The following NIN variants were observed in gnomAD, a reference collection of about 807,000 sequenced individuals.
NIN encodes ninein, also known as glycogen synthase kinase 3 beta-interacting protein.
Under a neutral mutation model 257.6 loss-of-function variants are expected in NIN, and 137 were observed. The ratio of observed to expected loss-of-function variants is 0.53; its 90% CI spans 0.46 to 0.61. The LOEUF (loss-of-function observed/expected upper bound fraction) is 0.61, where lower values mean the gene tolerates loss of function less well. Among genes scored for constraint, NIN ranks in the 20% least tolerant of loss-of-function variants. NIN has a pLI of 0.00. For synonymous variants in NIN, 918 were observed against 919.8 expected (o/e 1.00, Z 0.04); for missense variants, 2,439 against 2,501.2 (o/e 0.98, Z 0.53).
intron 16 of NIN, among the ~76,000 whole-genome samples, chr14:50,761,088 G>A (rs2042257027): frequency 6.6e-6 from 1 of 152,088 alleles, no homozygotes; most frequent in African/African-American, 2.4e-5. Flanking sequence ...AACCAGTCTA[G>A]ACATGGATAT....
Position 50,728,054 on chromosome 14 carries a change from A to ATT in NIN, c.6078+1467_6078+1468dup, listed in dbSNP as rs146848108. On this transcript the variant is annotated intron_variant, in intron 29 of 30. Coordinates refer to ENST00000530997, the MANE Select transcript of NIN (RefSeq NM_020921.4). ...GTCCACTCTGTCATCTGGTTGGAGG[A>ATT]TTTTTTTTTTCTTTCAAAAATCTTA... Among the ~76,000 whole-genome samples the ATT allele has an allele frequency of 4.9e-3, 735 of 150,382 alleles. 4 individuals are homozygous for ATT. Among genetic ancestry groups the ATT allele is most frequent in the Non-Finnish European group, 8.1e-3 (547 of 67,512 alleles).
rs376666607 is a variant in NIN, at chr14:50,776,377, A to T, written c.666+572T>A. Among the ~76,000 whole-genome samples the T allele has an allele frequency of 6.6e-4, 101 of 152,264 alleles. No individual in the cohort carries two copies. In the South Asian group the frequency reaches 0.02, roughly 29 times the overall value. ...CCAAACTACCCTTTACCATTTTCTC[A>T]TGACCAGAATATTGTAATGGCTGCT... On this transcript the variant is annotated intron_variant, in intron 7 of 30. Coordinates refer to ENST00000530997, the MANE Select transcript of NIN (RefSeq NM_020921.4).
intron 28 of NIN, among the ~76,000 whole-genome samples, chr14:50,735,250 T>TG (rs2040918425): frequency 6.6e-6 from 1 of 152,216 alleles, no homozygotes; most frequent in African/African-American, 2.4e-5. Flanking sequence ...AGAGAGTCCC[T>TG]GCCCCCTGAA....
intron 30 of NIN, among the ~76,000 whole-genome samples, chr14:50,724,920 C>T (rs565331515): frequency 1.1e-4 from 16 of 152,266 alleles, no homozygotes; most frequent in Non-Finnish European, 1.5e-4. Context: ...GAAAACAGGA[C>T]GGATCCCACT....
chr14:50,730,831 A>AT (rs776677119), intron 28 of NIN: 9 of 1,016,166 alleles, frequency 8.9e-6, no homozygotes, highest in Non-Finnish European at 1.2e-5. Flanking sequence ...TTAAGTACTT[A>AT]TTAACTGTTA....
At chr14:50,728,932 C>G (rs1482592937) in intron 29 of NIN, among the ~76,000 whole-genome samples, 1 of 152,206 alleles carries the variant, frequency 6.6e-6, no homozygotes, top group Non-Finnish European at 1.5e-5. Flanking sequence ...TGTGAAAAGT[C>G]ATCACTTGTG....
At chr14:50,775,860 T>G (rs1349534229) in intron 7 of NIN, among the ~76,000 whole-genome samples, 1 of 151,886 alleles carries the variant, frequency 6.6e-6, no homozygotes, top group Non-Finnish European at 1.5e-5. Flanking sequence ...TAGTCACCAA[T>G]GAAAAATAAA....
chr14:50,774,708 C>T (rs1415087824), intron 7 of NIN, among the ~76,000 whole-genome samples: 1 of 152,228 alleles, frequency 6.6e-6, no homozygotes, highest in Non-Finnish European at 1.5e-5. Flanking sequence ...ATTAGATCCA[C>T]ACTGCTTGAC....
At chr14:50,800,886 G>A (rs1024107459) in intron 4 of NIN, among the ~76,000 whole-genome samples, 1 of 151,588 alleles carries the variant, frequency 6.6e-6, no homozygotes, top group African/African-American at 2.4e-5. Flanking sequence ...GGGTTCAACC[G>A]ATTCTTCTGC....
intron 3 of NIN, among the ~76,000 whole-genome samples, chr14:50,816,204 G>A (rs1332269032): frequency 1.3e-5 from 2 of 151,846 alleles, no homozygotes; most frequent in African/African-American, 4.8e-5. Flanking sequence ...AGCACACATT[G>A]GACCTGTGAG....
intron 28 of NIN, chr14:50,730,834 A>G (rs2140360952): frequency 1.9e-6 from 2 of 1,033,136 alleles, no homozygotes; most frequent in East Asian, 1.2e-4. Context: ...AGTACTTATT[A>G]ACTGTTACAA....
At chr14:50,726,238 GA>G in intron 29 of NIN, 172 bp from the exon 30 acceptor site, 1 of 561,656 alleles carries the variant, frequency 1.8e-6, no homozygotes, top group Non-Finnish European at 3.2e-6. Flanking sequence ...GCATATGTCA[GA>G]AAAGTAACCC....
chr14:50,756,878 T>TATG lies in NIN; in HGVS notation c.4149_4151dup (p.Ile1384dup), dbSNP rs1222657429. ...ACTGGTTTTCTTGCTTACATTCCTC[T>TATG]ATGACATGATGTACACTCCTAACCC... On this transcript the variant is annotated inframe_insertion, in exon 18 of 31. Transcript: ENST00000530997. The TATG allele has an allele frequency of 6.4e-7, 1 of 1,553,256 alleles. No individual in the cohort carries two copies. The highest frequency in any genetic ancestry group is 2.4e-5 in the East Asian group (1 of 40,980).
In NIN at chr14:50,770,038, G is replaced by A. The variant is rs145181290; in HGVS notation, c.1434+350C>T. Reference sequence around the variant, plus strand: ...ACCATCTGCTGAGAATGAGGGGGGCGGGCAGGCGAGAAGATGGGGATCTGA... The same window carrying A: ...ACCATCTGCTGAGAATGAGGGGGGCAGGCAGGCGAGAAGATGGGGATCTGA... On this transcript the variant is annotated intron_variant, in intron 12 of 30. Transcript: ENST00000530997. 8.3e-3 allele frequency among the ~76,000 whole-genome samples: 1,269 copies of A among 152,244 alleles called. 11 individuals carry two copies. The highest frequency in any genetic ancestry group is 0.013 in the Non-Finnish European group (857 of 68,008).
intron 18 of NIN, among the ~76,000 whole-genome samples, chr14:50,755,445 C>T (rs144010536): frequency 2.0e-5 from 3 of 150,656 alleles, no homozygotes; most frequent in Admixed American, 6.6e-5. Context: ...ACATTTCAGA[C>T]GTCCTGTAAT....
At chr14:50,744,935 C>CA (rs143259525) in intron 22 of NIN, among the ~76,000 whole-genome samples, 1 of 151,924 alleles carries the variant, frequency 6.6e-6, no homozygotes, top group Non-Finnish European at 1.5e-5. Flanking sequence ...CAAAACAAAA[C>CA]AAAAAAACCC....
intron 7 of NIN, among the ~76,000 whole-genome samples, chr14:50,776,706 A>G (rs2042937233): frequency 6.6e-6 from 1 of 152,226 alleles, no homozygotes; most frequent in Non-Finnish European, 1.5e-5. Flanking sequence ...ACAGTTTCAC[A>G]TGGGGTAACC....
At chr14:50,756,420 G>A (rs755102339) in intron 18 of NIN, 72 bp downstream of exon 18, 37 of 1,487,540 alleles carry the variant, frequency 2.5e-5, no homozygotes, top group Admixed American at 1.3e-4. Flanking sequence ...CTCTAGGCAC[G>A]GCAAGCAGTG....
intron 2 of NIN, chr14:50,823,241 C>G (rs778799814): frequency 3.5e-6 from 2 of 576,064 alleles, no homozygotes; most frequent in Admixed American, 1.9e-5. Flanking sequence ...TCTGAAGATG[C>G]CTTCGCCATG....
Sources: gnomAD v4.1 joint callset for allele counts (sites outside exome capture counted in the v4.1 genomes callset) on GRCh38, gnomAD v4.1.1 for gene constraint, MANE v1.5 for transcripts, NCBI Gene and HGNC (gene_info 2026-07-23, HGNC 2026-07-21) for gene names.